The following GPC5 variants were observed in gnomAD, a reference collection of about 807,000 sequenced individuals.
GPC5 encodes glypican 5.
In GPC5, 47 loss-of-function variants were observed where a neutral mutation model predicts 53.9. The observed-to-expected ratio is 0.87, with a 90% CI of 0.69 to 1.11. The LOEUF (loss-of-function observed/expected upper bound fraction) is 1.11, where lower values mean the gene tolerates loss of function less well. Ranked by LOEUF, GPC5 falls within the 50% of genes most tolerant of loss-of-function variation. The pLI, the probability that GPC5 is intolerant of heterozygous loss-of-function variation, is 0.00. For missense variants in GPC5, 748 were observed against 713.1 expected, an observed-to-expected ratio of 1.05 and a Z score of -0.56; for synonymous variants, 286 against 263.3, an observed-to-expected ratio of 1.09 and a Z score of -0.84.
chr13:92,851,813 G>A (rs527465510), intron 7 of GPC5, among the ~76,000 whole-genome samples: 5 of 150,206 alleles, frequency 3.3e-5, no homozygotes, highest in Admixed American at 6.6e-5. Flanking sequence ...GGCGTGAACC[G>A]GAAGGCAGAG....
At chr13:91,958,208 G>A (rs551826931) in intron 6 of GPC5, among the ~76,000 whole-genome samples, 1 of 144,062 alleles carries the variant, frequency 6.9e-6, no homozygotes, top group Non-Finnish European at 1.5e-5. Flanking sequence ...TGCAAACATA[G>A]ACCAAAAAAC....
chr13:92,552,897 T>C (rs1882366407), intron 7 of GPC5, among the ~76,000 whole-genome samples: 1 of 151,958 alleles, frequency 6.6e-6, no homozygotes, highest in African/African-American at 2.4e-5. Context: ...CTCTTACTTC[T>C]AAAGATTCTC....
At chr13:92,462,950 G>T (rs1878554388) in intron 7 of GPC5, among the ~76,000 whole-genome samples, 1 of 151,990 alleles carries the variant, frequency 6.6e-6, no homozygotes, top group South Asian at 2.1e-4. Flanking sequence ...TTAAATCAAG[G>T]AGTTCAAGGC....
At chr13:92,160,090 A>G (rs1258264325) in intron 7 of GPC5, among the ~76,000 whole-genome samples, 1 of 151,948 alleles carries the variant, frequency 6.6e-6, no homozygotes, top group East Asian at 1.9e-4. Context: ...TTTACTAAAT[A>G]CAAAAGATGA....
intron 6 of GPC5, among the ~76,000 whole-genome samples, chr13:91,976,058 A>G (rs1309716171): frequency 2.6e-5 from 4 of 152,042 alleles, no homozygotes; most frequent in Non-Finnish European, 5.9e-5. Flanking sequence ...ACTCATAGCT[A>G]GGAATTGAAC....
chr13:92,540,996 T>C (rs1269778525), intron 7 of GPC5, among the ~76,000 whole-genome samples: 2 of 151,826 alleles, frequency 1.3e-5, no homozygotes, highest in Admixed American at 1.3e-4. Context: ...ATAGAACTCA[T>C]AGATTCCCAT....
chr13:92,001,122 T>C (rs548736032), intron 6 of GPC5, among the ~76,000 whole-genome samples: 2 of 152,310 alleles, frequency 1.3e-5, no homozygotes, highest in African/African-American at 4.8e-5. Flanking sequence ...ATAATAGGCA[T>C]AGCATAGTTT....
chr13:91,909,153 C>T (rs1442745948), intron 6 of GPC5, among the ~76,000 whole-genome samples: 2 of 152,184 alleles, frequency 1.3e-5, no homozygotes, highest in African/African-American at 4.8e-5. Flanking sequence ...ATCTCTCGCC[C>T]TGGCTGGCAA....
intron 2 of GPC5, among the ~76,000 whole-genome samples, chr13:91,609,209 T>TTCGAA (rs1472194190): frequency 6.6e-6 from 1 of 151,166 alleles, no homozygotes. Flanking sequence ...CTGAATCTAA[T>TTCGAA]AAGATTCGAA....
intron 5 of GPC5, among the ~76,000 whole-genome samples, chr13:91,855,612 A>G (rs2038958947): frequency 6.6e-6 from 1 of 151,638 alleles, no homozygotes; most frequent in African/African-American, 2.4e-5. Flanking sequence ...GATTCATGCA[A>G]CCAAACAGGT....
intron 5 of GPC5, among the ~76,000 whole-genome samples, chr13:91,852,231 A>AT (rs1448059981): frequency 7.9e-5 from 12 of 151,730 alleles, no homozygotes; most frequent in Non-Finnish European, 1.8e-4. Context: ...TTAAAAAATT[A>AT]TTTTTTAATT....
At chr13:92,439,205 C>T (rs561380225) in intron 7 of GPC5, among the ~76,000 whole-genome samples, 1 of 152,248 alleles carries the variant, frequency 6.6e-6, no homozygotes, top group East Asian at 1.9e-4. Context: ...GAAGAAATAA[C>T]TCCCATATCT....
intron 7 of GPC5, among the ~76,000 whole-genome samples, chr13:92,843,521 C>T (rs1460562291): frequency 6.6e-6 from 1 of 152,014 alleles, no homozygotes; most frequent in African/African-American, 2.4e-5. Context: ...ATCCACCATC[C>T]CTCCACTCTT....
At chr13:91,736,594 G>A (rs1288958140) in intron 4 of GPC5, among the ~76,000 whole-genome samples, 1 of 150,834 alleles carries the variant, frequency 6.6e-6, no homozygotes, top group Non-Finnish European at 1.5e-5. Flanking sequence ...AAAATAAAAG[G>A]AAAGATTACT....
At chr13:91,616,871 G>A (rs1238257344) in intron 2 of GPC5, among the ~76,000 whole-genome samples, 1 of 152,092 alleles carries the variant, frequency 6.6e-6, no homozygotes, top group African/African-American at 2.4e-5. Context: ...CATATCTAGA[G>A]ATGAATAATC....
intron 7 of GPC5, among the ~76,000 whole-genome samples, chr13:92,552,608 C>G (rs1415136636): frequency 2.0e-5 from 3 of 151,888 alleles, no homozygotes; most frequent in Non-Finnish European, 4.4e-5. Context: ...TAGTTCAACA[C>G]TTTGAATTAA....
At chr13:91,788,584 A>AT (rs1340702284) in intron 5 of GPC5, among the ~76,000 whole-genome samples, 1 of 152,156 alleles carries the variant, frequency 6.6e-6, no homozygotes, top group Non-Finnish European at 1.5e-5. Flanking sequence ...TCCTAACTTT[A>AT]TTTTACATTA....
At chr13:92,122,299 TA>T (rs61247851) in intron 6 of GPC5, among the ~76,000 whole-genome samples, 74,214 of 150,498 alleles carry the variant, frequency 0.49, 19,179 homozygotes, top group African/African-American at 0.65. Flanking sequence ...ACTTTTTTTT[TA>T]ATCTGCTGGC....
At chr13:92,021,232 C>A (rs2040755597) in intron 6 of GPC5, among the ~76,000 whole-genome samples, 1 of 152,178 alleles carries the variant, frequency 6.6e-6, no homozygotes, top group East Asian at 1.9e-4. Context: ...ACAAATAAAT[C>A]CCCATCAACA....
Sources: allele counts gnomAD v4.1 joint callset (sites outside exome capture counted in the v4.1 genomes callset), GRCh38; gene constraint gnomAD v4.1.1; transcripts MANE v1.5; gene names NCBI Gene and HGNC (gene_info 2026-07-23, HGNC 2026-07-21).